Variants in KAZN observed in about 807,000 individuals in gnomAD.
The protein encoded by KAZN is kazrin, periplakin interacting protein.
KAZN carries 40 observed loss-of-function variants against 87.4 expected under a neutral mutation model. That is an observed-to-expected ratio of 0.46 (90% CI 0.36 to 0.60). KAZN has a LOEUF of 0.60. Among genes scored for constraint, KAZN ranks in the 20% least tolerant of loss-of-function variants. The probability of loss-of-function intolerance (pLI) is 0.00; values close to 1 mark genes in which losing one functional copy is unlikely to be tolerated. For missense variants in KAZN, 898 were observed against 1,073.9 expected (o/e 0.84, Z 2.29); for synonymous variants, 466 against 458.3 (o/e 1.02, Z -0.22).
chr1:13,923,983 G>C (rs1306903448), intron 1 of KAZN, among the ~76,000 whole-genome samples: 1 of 151,958 alleles, frequency 6.6e-6, no homozygotes, highest in East Asian at 1.9e-4. Context: ...CCGTCGGGCA[G>C]AGTGGCCTTT....
intron 2 of KAZN, among the ~76,000 whole-genome samples, chr1:14,250,787 A>C (rs1649957562): frequency 6.6e-6 from 1 of 152,138 alleles, no homozygotes; most frequent in Non-Finnish European, 1.5e-5. Context: ...TTACTGAATA[A>C]ACATGTCTAT....
intron 1 of KAZN, among the ~76,000 whole-genome samples, chr1:14,009,051 G>T (rs1374543070): frequency 6.6e-6 from 1 of 152,112 alleles, no homozygotes; most frequent in Non-Finnish European, 1.5e-5. Context: ...CATACAAGTG[G>T]AATCACACAG....
chr1:14,852,910 C>T (rs192920070), intron 1 of KAZN, among the ~76,000 whole-genome samples: 13 of 152,288 alleles, frequency 8.5e-5, no homozygotes, highest in Admixed American at 2.6e-4. Flanking sequence ...CTGCTGAATC[C>T]AAATCTGTGC....
At chr1:14,298,724 G>A (rs368202193) in intron 2 of KAZN, among the ~76,000 whole-genome samples, 86 of 152,328 alleles carry the variant, frequency 5.6e-4, no homozygotes, top group African/African-American at 1.9e-3. Flanking sequence ...TGGAAATGTG[G>A]GGGAGAGAGT....
intron 2 of KAZN, among the ~76,000 whole-genome samples, chr1:14,239,013 T>A (rs996945747): frequency 6.6e-6 from 1 of 152,236 alleles, no homozygotes; most frequent in Non-Finnish European, 1.5e-5. Context: ...ATGAAAACTT[T>A]GGCTATAATA....
intron 2 of KAZN, among the ~76,000 whole-genome samples, chr1:14,537,137 C>T (rs763745961): frequency 1.7e-4 from 26 of 152,200 alleles, no homozygotes; most frequent in Non-Finnish European, 2.6e-4. Context: ...CCACAAACCT[C>T]CAGTTTACAC....
At chr1:14,270,955 G>C (rs1651875573) in intron 2 of KAZN, among the ~76,000 whole-genome samples, 1 of 152,216 alleles carries the variant, frequency 6.6e-6, no homozygotes, top group African/African-American at 2.4e-5. Context: ...ATGGCGCACG[G>C]AGAAAGGGTT....
intron 1 of KAZN, among the ~76,000 whole-genome samples, chr1:14,787,311 C>A (rs1737361): frequency 6.6e-6 from 1 of 151,786 alleles, no homozygotes; most frequent in Non-Finnish European, 1.5e-5. Context: ...CTCGTTACTC[C>A]CATGTTACAG....
chr1:14,129,269 C>T (rs1570808761), intron 1 of KAZN, among the ~76,000 whole-genome samples: 1 of 152,212 alleles, frequency 6.6e-6, no homozygotes, highest in Non-Finnish European at 1.5e-5. Flanking sequence ...AAGCCGGACA[C>T]ACTTTTGGTC....
At chr1:14,000,649 A>T (rs1639743493) in intron 1 of KAZN, among the ~76,000 whole-genome samples, 1 of 152,220 alleles carries the variant, frequency 6.6e-6, no homozygotes, top group Admixed American at 6.5e-5. Context: ...ACAAGACCAA[A>T]GATGCCCTCT....
At chr1:14,362,559 G>A (rs1284676234) in intron 2 of KAZN, among the ~76,000 whole-genome samples, 3 of 152,150 alleles carry the variant, frequency 2.0e-5, no homozygotes, top group Admixed American at 2.0e-4. Flanking sequence ...GGAATCACAG[G>A]GCTGCTTAAG....
intron 2 of KAZN, among the ~76,000 whole-genome samples, chr1:14,557,559 G>A (rs558761523): frequency 8.5e-4 from 129 of 151,682 alleles, no homozygotes; most frequent in African/African-American, 2.9e-3. Flanking sequence ...AAAGTTAGTC[G>A]TCAGCTTCCT....
chr1:14,924,938 C>G (rs1193201528), intron 1 of KAZN, among the ~76,000 whole-genome samples: 3 of 152,208 alleles, frequency 2.0e-5, no homozygotes, highest in Non-Finnish European at 2.9e-5. Context: ...GGGACCGCAC[C>G]TGTGAGCCAT....
chr1:15,023,991 C>T (rs891829157), intron 2 of KAZN, among the ~76,000 whole-genome samples: 2 of 152,042 alleles, frequency 1.3e-5, no homozygotes, highest in Non-Finnish European at 2.9e-5. Flanking sequence ...TTTGAGGGCA[C>T]TGAGAAGAGC....
rs143479632 is a variant in KAZN, at chr1:14,460,410, G to A, written c.250-138573G>A. Among the ~76,000 whole-genome samples, 49 of 152,316 alleles carry A rather than the reference G, an allele frequency of 3.2e-4. 1 individual carries two copies. The highest frequency in any genetic ancestry group is 1.1e-3 in the African/African-American group (45 of 41,576). Reference sequence around the variant, plus strand: ...CAGCAGCCGGGAGCTTGAGCAAGGCGGTGAGGATCCAGGCTTGGGGCTGTT... The same window carrying A: ...CAGCAGCCGGGAGCTTGAGCAAGGCAGTGAGGATCCAGGCTTGGGGCTGTT... On this transcript the variant is annotated intron_variant, in intron 2 of 16. Coordinates refer to the KAZN transcript ENST00000636203.
rs144257466 is a variant in KAZN, at chr1:14,729,072, T to C, written c.226+129849T>C. Among the ~76,000 whole-genome samples the C allele has an allele frequency of 9.2e-5, 14 of 152,250 alleles. No homozygotes were observed. In the East Asian group the frequency reaches 2.7e-3, roughly 29 times the overall value. ...CCTGGCGTGACCCTTGACCCTATCCTTGAGGCTTTCCTGCCCGTCTCCTGC... is the reference window on the plus strand; with the variant it reads ...CCTGGCGTGACCCTTGACCCTATCCCTGAGGCTTTCCTGCCCGTCTCCTGC... On this transcript the variant is annotated intron_variant, in intron 1 of 14. Transcript: ENST00000376030.
intron 1 of KAZN, among the ~76,000 whole-genome samples, chr1:14,602,653 C>G (rs1324492661): frequency 6.6e-6 from 1 of 152,186 alleles, no homozygotes; most frequent in East Asian, 1.9e-4. Context: ...GTTTGTTTCT[C>G]TGAAAAAGTT....
chr1:15,014,952 TC>T (rs2102112595), intron 2 of KAZN, among the ~76,000 whole-genome samples: 1 of 152,216 alleles, frequency 6.6e-6, no homozygotes, highest in African/African-American at 2.4e-5. Flanking sequence ...CTGCATGACT[TC>T]CCCTCTCTGT....
At chr1:14,972,661 C>A (rs1474690201) in intron 2 of KAZN, among the ~76,000 whole-genome samples, 2 of 151,992 alleles carry the variant, frequency 1.3e-5, no homozygotes, top group Non-Finnish European at 2.9e-5. Flanking sequence ...ATTACAGGCA[C>A]CTGCCACCAC....
Sources: gnomAD v4.1 joint callset for allele counts (sites outside exome capture counted in the v4.1 genomes callset) on GRCh38, gnomAD v4.1.1 for gene constraint, MANE v1.5 for transcripts, NCBI Gene and HGNC (gene_info 2026-07-23, HGNC 2026-07-21) for gene names.